Variants in ADPRHL1 observed in about 807,000 individuals in gnomAD.
ADPRHL1 encodes ADP-ribosylhydrolase like 1, also known as inactive ADP-ribosyltransferase ARH2.
A neutral mutation model predicts 44.1 loss-of-function variants in ADPRHL1; 43 were observed. That is an observed-to-expected ratio of 0.98 (90% CI 0.76 to 1.26). ADPRHL1 has a LOEUF of 1.26. ADPRHL1 is among the 50% of genes most tolerant of loss of function. ADPRHL1 has a pLI of 0.00. For missense variants in ADPRHL1, 2,022 were observed against 2,496.9 expected (o/e 0.81, Z 4.05); for synonymous variants, 878 against 1,017.4 (o/e 0.86, Z 2.61).
At chr13:113,430,213 A>C (rs1489320523) in intron 3 of ADPRHL1, among the ~76,000 whole-genome samples, 1 of 152,190 alleles carries the variant, frequency 6.6e-6, no homozygotes, top group Non-Finnish European at 1.5e-5. Context: ...AGGAGCTCGG[A>C]AGAGACTGAT....
At position 113,406,709 on chromosome 13, in the gene ADPRHL1, G is replaced by T; in HGVS notation, c.2573C>A (p.Thr858Asn). 1 of 1,231,958 alleles carries T rather than the reference G, an allele frequency of 8.1e-7. No individual in the cohort carries two copies. Among genetic ancestry groups the T allele is most frequent in the Non-Finnish European group, 1.0e-6 (1 of 987,948 alleles). 76.3% of individuals were successfully genotyped at this position (1,231,958 alleles called of 1,614,324 possible). A position where few individuals can be genotyped will look rare whatever the true frequency, so the allele number is the denominator to read the frequency against. Residue 858 changes from threonine to asparagine, a missense_variant, in exon 8 of 8, where the codon ACC becomes AAC. Thr to Asn is a moderately conservative substitution (Grantham distance 65, BLOSUM62 0). Coordinates refer to ENST00000612156, the MANE Select transcript of ADPRHL1 (RefSeq NM_001394807.1). ...ACCACTTGACATATTTTGCAGCCTG[G>T]TGGGAGGGGCTGGCATTTCATGGAC... ...PVVHEMPAPP[T>N]RLQNMSSGEN...
intron 3 of ADPRHL1, among the ~76,000 whole-genome samples, chr13:113,431,619 AAAAAG>A (rs1307076108): frequency 9.9e-5 from 15 of 152,256 alleles, no homozygotes; most frequent in African/African-American, 3.6e-4. Flanking sequence ...GAGTAGAGTT[AAAAAG>A]CACTTTGAAG....
intron 2 of ADPRHL1, among the ~76,000 whole-genome samples, chr13:113,434,142 C>CATGTTTTCCCTGTAAA (rs1216518254): frequency 1.3e-5 from 2 of 152,150 alleles, no homozygotes; most frequent in African/African-American, 4.8e-5. Flanking sequence ...AGCATGCTTT[C>CATGTTTTCCCTGTAAA]AACGAGATGT....
intron 4 of ADPRHL1, among the ~76,000 whole-genome samples, chr13:113,426,949 C>A (rs1055219225): frequency 6.6e-6 from 1 of 152,158 alleles, no homozygotes; most frequent in African/African-American, 2.4e-5. Flanking sequence ...GGGTGTCCTA[C>A]GGGACTTAAC....
intron 2 of ADPRHL1, among the ~76,000 whole-genome samples, chr13:113,440,070 A>G (rs867673824): frequency 1.3e-5 from 2 of 152,020 alleles, no homozygotes; most frequent in Non-Finnish European, 2.9e-5. Context: ...TCTGTTTTCA[A>G]TCATTGATTT....
chr13:113,404,575 C>T lies in ADPRHL1; in HGVS notation c.4707G>A (p.Gln1569=). ...QTQIEAQGQA[Q]EPAQGGAQGQ... ...CCTGGGCCCCACCCTGAGCTGGTTCCTGTGCCTGCCCCTGGGCCTCTATCT... is the reference window on the plus strand; with the variant it reads ...CCTGGGCCCCACCCTGAGCTGGTTCTTGTGCCTGCCCCTGGGCCTCTATCT... The change falls in exon 8 of 8, where the codon CAG becomes CAA. Residue 1569 remains glutamine (Q), a synonymous_variant. Transcript: ENST00000612156. 7.7e-7 allele frequency: 1 copy of T among 1,297,772 alleles called. No homozygotes were observed. The highest frequency in any genetic ancestry group is 9.7e-7 in the Non-Finnish European group (1 of 1,027,370). The allele number at this position is 1,297,772 out of a possible 1,614,324, so 80.4% of individuals were successfully genotyped here.
chr13:113,445,118 C>T (rs1049702207), intron 1 of ADPRHL1, among the ~76,000 whole-genome samples: 7 of 152,170 alleles, frequency 4.6e-5, no homozygotes, highest in African/African-American at 1.7e-4. Flanking sequence ...AGCAGTGTTC[C>T]GGAAACAAGG....
chr13:113,423,786 G>A (rs1246824923), intron 6 of ADPRHL1, among the ~76,000 whole-genome samples: 1 of 152,236 alleles, frequency 6.6e-6, no homozygotes, highest in Non-Finnish European at 1.5e-5. Context: ...CTGCGACTTT[G>A]CACAGAGGCT....
chr13:113,404,450 T>G lies in ADPRHL1; in HGVS notation c.4832A>C (p.Glu1611Ala). ...QGEVQKWAQE[E>A]AQGQAQWQTQ... is the part of the protein sequence containing the mutation. ...CTGCCACTGGGCCTGTCCCTGAGCC[T>G]CTTCCTGGGCCCATTTCTGAACCTC... The change falls in exon 8 of 8, where the codon GAG becomes GCG. Residue 1611 changes from glutamate to alanine, a missense_variant. Glu to Ala is a moderately radical substitution (Grantham distance 107). Around this residue, in one of 8 missense-constraint regions of ADPRHL1, gnomAD observed 78 missense variants for 76.5 expected, o/e 1.02. Coordinates refer to ENST00000612156, the MANE Select transcript of ADPRHL1 (RefSeq NM_001394807.1). The G allele has an allele frequency of 7.6e-7, 1 of 1,312,252 alleles. No homozygotes were observed. Among genetic ancestry groups the G allele is most frequent in the Non-Finnish European group, 9.6e-7 (1 of 1,038,188 alleles). 81.3% of individuals were successfully genotyped at this position (1,312,252 alleles called of 1,614,324 possible). A position where few individuals can be genotyped will look rare whatever the true frequency, so the allele number is the denominator to read the frequency against.
chr13:113,409,890 A>G lies in ADPRHL1; in HGVS notation c.1062-1670T>C. ...AGCGACAGAGCGAGACTCCGTCTCA[A>G]AAAAAAAAAAAAAAAAAAGGAAGAA... On this transcript the variant is annotated intron_variant, in intron 7 of 7. Coordinates refer to ENST00000612156, the MANE Select transcript of ADPRHL1 (RefSeq NM_001394807.1). This position sits in a 1 kb window ranked among gnomAD's most constrained non-coding sequence, Gnocchi z 4.2. 1 of 78,526 alleles carries G rather than the reference A, an allele frequency of 1.3e-5. No homozygotes were observed. Among genetic ancestry groups the G allele is most frequent in the Non-Finnish European group, 1.7e-5 (1 of 59,598 alleles). 4.9% of individuals were successfully genotyped at this position (78,526 alleles called of 1,614,324 possible).
intron 2 of ADPRHL1, among the ~76,000 whole-genome samples, chr13:113,440,710 C>T (rs1483387623): frequency 6.6e-6 from 1 of 152,164 alleles, no homozygotes; most frequent in Non-Finnish European, 1.5e-5. Context: ...CCGCCTTGGC[C>T]TCCCAAAGTT....
rs929295646 is a variant in ADPRHL1 at position 113,409,972 on chromosome 13, T to C, written c.1062-1752A>G. 5.3e-5 allele frequency: 52 copies of C among 984,598 alleles called. No homozygotes were observed. The highest frequency in any genetic ancestry group is 5.9e-5 in the Non-Finnish European group (49 of 829,826). The allele number at this position is 984,598 out of a possible 1,614,324, so 61.0% of individuals were successfully genotyped here. A position where few individuals can be genotyped will look rare whatever the true frequency, so the allele number is the denominator to read the frequency against. The stretch of plus-strand genomic sequence containing the variant: ...ATGTGTGAACATACTTCTCTTTTTG[T>C]GTTTGTCTGCATTTTTCCAAAAGAG... On this transcript the variant is annotated intron_variant, in intron 7 of 7. Coordinates refer to ENST00000612156, the MANE Select transcript of ADPRHL1 (RefSeq NM_001394807.1). The surrounding 1 kb of genome is among the most constrained non-coding windows in gnomAD (Gnocchi z 4.2).
At chr13:113,423,114 C>T in intron 6 of ADPRHL1, 135 bp from the exon 7 acceptor site, 1 of 1,279,974 alleles carries the variant, frequency 7.8e-7, no homozygotes, top group Non-Finnish European at 1.1e-6. Context: ...ACAGGCAGGC[C>T]AGCGCGGTGG....
At chr13:113,422,733 C>T (rs776947843) in intron 7 of ADPRHL1, 93 bp downstream of exon 7, 14 of 1,536,928 alleles carry the variant, frequency 9.1e-6, no homozygotes, top group South Asian at 1.2e-5. Flanking sequence ...TGGAGCCTCA[C>T]AGAGACACCC....
rs771384695 is a variant in ADPRHL1 at position 113,453,391 on chromosome 13, G to T, written c.47C>A (p.Ala16Asp). ...CTTGCAGACATTTCTGTAGCCAAGA[G>T]CATCGCCGACGCTCCCCAGCAACAT... ...AAMLLGSVGD[A>D]LGYRNVCKEN... is the part of the protein sequence containing the mutation. Residue 16 changes from alanine (A) to aspartate (D), a missense_variant, in exon 1 of 8, where the codon GCT becomes GAT. By Grantham distance (126) the Ala-to-Asp change is moderately radical. This residue lies in a region of ADPRHL1 where 437 missense variants were observed against 430.7 expected (regional missense o/e 1.01). Transcript: ENST00000612156. This position sits in a 1 kb window ranked among gnomAD's most constrained non-coding sequence, Gnocchi z 5.4. The T allele has an allele frequency of 1.2e-5, 19 of 1,614,122 alleles. No individual in the cohort carries two copies. The highest frequency in any genetic ancestry group is 2.5e-6 in the Non-Finnish European group (3 of 1,180,034).
intron 3 of ADPRHL1, among the ~76,000 whole-genome samples, chr13:113,432,885 T>C (rs1233850372): frequency 2.0e-5 from 3 of 152,114 alleles, no homozygotes; most frequent in Non-Finnish European, 4.4e-5. Context: ...TTGAGTCCTT[T>C]TTGCTTTTTT....
chr13:113,404,455 C>T lies in ADPRHL1; in HGVS notation c.4827G>A (p.Gln1609=). 7.6e-7 allele frequency: 1 copy of T among 1,311,216 alleles called. No homozygotes were observed. The highest frequency in any genetic ancestry group is 9.6e-7 in the Non-Finnish European group (1 of 1,037,512). 81.2% of individuals were successfully genotyped at this position (1,311,216 alleles called of 1,614,324 possible). A position where few individuals can be genotyped will look rare whatever the true frequency, so the allele number is the denominator to read the frequency against. The change falls in exon 8 of 8, where the codon CAG becomes CAA. Residue 1609 remains glutamine (Q), a synonymous_variant. Transcript: ENST00000612156. ...QVQGEVQKWA[Q]EEAQGQAQWQ... ...ACTGGGCCTGTCCCTGAGCCTCTTC[C>T]TGGGCCCATTTCTGAACCTCTCCTT...
intron 2 of ADPRHL1, among the ~76,000 whole-genome samples, chr13:113,435,041 G>C (rs2044040035): frequency 3.7e-5 from 5 of 134,836 alleles, no homozygotes; most frequent in South Asian, 2.5e-4. Context: ...GTGAACATAG[G>C]TGTACCCCAG....
chr13:113,425,184 A>G lies in ADPRHL1; in HGVS notation c.647-5T>C. 6.2e-7 allele frequency: 1 copy of G among 1,609,334 alleles called. No individual in the cohort carries two copies. The highest frequency in any genetic ancestry group is 1.1e-5 in the South Asian group (1 of 91,010). The stretch of plus-strand genomic sequence containing the variant: ...AAAACCAGTGCTCCTGGTATTCTAA[A>G]CATAAAGAACAAGGGGAGCTGAACA... On this transcript the variant is annotated splice_region_variant and splice_polypyrimidine_tract_variant and intron_variant, in intron 4 of 7. Transcript: ENST00000612156.
Sources: allele counts gnomAD v4.1 joint callset (sites outside exome capture counted in the v4.1 genomes callset), GRCh38; gene constraint gnomAD v4.1.1; regional missense constraint gnomAD v4.1.1; non-coding constraint Gnocchi (gnomAD v3.1); transcripts MANE v1.5; gene names NCBI Gene and HGNC (gene_info 2026-07-23, HGNC 2026-07-21).